Variants in KCNH7 observed in about 807,000 individuals in gnomAD.
KCNH7 encodes the protein voltage-gated inwardly rectifying potassium channel KCNH7.
Under a neutral mutation model 120.8 loss-of-function variants are expected in KCNH7, and 49 were observed. The ratio of observed to expected loss-of-function variants is 0.41; its 90% CI spans 0.32 to 0.51. KCNH7 has a LOEUF of 0.51. Among genes scored for constraint, KCNH7 ranks in the 20% least tolerant of loss-of-function variants. KCNH7 has a pLI of 0.38. For synonymous variants in KCNH7, 547 were observed against 516.1 expected (o/e 1.06, Z -0.81); for missense variants, 1,097 against 1,446.6 (o/e 0.76, Z 3.92).
intron 6 of KCNH7, 26 bp downstream of exon 6, chr2:162,504,417 A>G: frequency 6.5e-7 from 1 of 1,541,020 alleles, no homozygotes; most frequent in East Asian, 2.2e-5. Flanking sequence ...AAAACAGTTG[A>G]AATTGATAAG....
At chr2:162,705,959 T>C (rs1309149265) in intron 2 of KCNH7, among the ~76,000 whole-genome samples, 1 of 152,182 alleles carries the variant, frequency 6.6e-6, no homozygotes, top group African/African-American at 2.4e-5. Context: ...AAACACATTC[T>C]ACACAAATGT....
At chr2:162,763,235 C>T (rs1464827177) in intron 2 of KCNH7, among the ~76,000 whole-genome samples, 3 of 152,124 alleles carry the variant, frequency 2.0e-5, no homozygotes, top group Admixed American at 2.0e-4. Flanking sequence ...AAGCACCATT[C>T]TGAGTACTCA....
intron 2 of KCNH7, among the ~76,000 whole-genome samples, chr2:162,573,299 A>C (rs565786905): frequency 6.6e-6 from 1 of 152,192 alleles, no homozygotes; most frequent in East Asian, 1.9e-4. Context: ...GGGTAAGAAT[A>C]GTAGCTCATT....
chr2:162,756,256 G>T (rs1688786163), intron 2 of KCNH7, among the ~76,000 whole-genome samples: 1 of 152,098 alleles, frequency 6.6e-6, no homozygotes, highest in African/African-American at 2.4e-5. Context: ...ACAACCAAAA[G>T]AGGTTGAATG....
At chr2:162,651,384 G>T (rs1684560062) in intron 2 of KCNH7, among the ~76,000 whole-genome samples, 1 of 151,886 alleles carries the variant, frequency 6.6e-6, no homozygotes, top group Admixed American at 6.6e-5. Context: ...CCCCAAGTAG[G>T]CCTCAGTGTC....
Position 162,620,095 on chromosome 2 carries a change from T to TA in KCNH7, c.308-83016dup, listed in dbSNP as rs964823018. ...AATATGTGTATATATATTCTCTCTA[T>TA]AAAAAATCTATAAAAAAAGGATAAT... is the stretch of plus-strand genomic sequence containing the variant. On this transcript the variant is annotated intron_variant, in intron 2 of 15. Coordinates refer to ENST00000332142, the MANE Select transcript of KCNH7 (RefSeq NM_033272.4). Among the ~76,000 whole-genome samples the TA allele has an allele frequency of 1.7e-4, 26 of 150,732 alleles. 1 individual carries two copies. Among genetic ancestry groups the TA allele is most frequent in the Admixed American group, 8.6e-4 (13 of 15,116 alleles).
At chr2:162,711,046 T>A (rs1466006969) in intron 2 of KCNH7, among the ~76,000 whole-genome samples, 1 of 152,178 alleles carries the variant, frequency 6.6e-6, no homozygotes, top group Non-Finnish European at 1.5e-5. Flanking sequence ...CCATTATACT[T>A]TCTATAATAC....
intron 2 of KCNH7, among the ~76,000 whole-genome samples, chr2:162,634,273 A>G (rs1683870860): frequency 6.6e-6 from 1 of 152,058 alleles, no homozygotes; most frequent in South Asian, 2.1e-4. Context: ...TTATGAAAAT[A>G]TAGGTAACAC....
At chr2:162,619,881 G>T (rs1016031894) in intron 2 of KCNH7, among the ~76,000 whole-genome samples, 9 of 151,596 alleles carry the variant, frequency 5.9e-5, no homozygotes, top group African/African-American at 2.2e-4. Flanking sequence ...AGGACATAAG[G>T]TATTTGCATA....
intron 6 of KCNH7, among the ~76,000 whole-genome samples, chr2:162,471,887 G>C (rs910507713): frequency 6.6e-6 from 1 of 152,168 alleles, no homozygotes; most frequent in African/African-American, 2.4e-5. Context: ...TACCAAAACA[G>C]AGATATAGAC....
In KCNH7 at chr2:162,396,787, GA is replaced by G; in HGVS notation, c.2565del (p.Leu856Ter). The part of the protein sequence containing the change: ...LDMYPEFSDH[F>X]LTNLELTFNL... ...TTGAAAGTCAACTCTAGGTTTGTTA[GA>G]AAGTGATCAGAAAACTCAGGATACA... On this transcript the variant is annotated frameshift_variant, in exon 11 of 16. Coordinates refer to ENST00000332142, the MANE Select transcript of KCNH7 (RefSeq NM_033272.4). LOFTEE classifies it high-confidence loss of function. 6.2e-7 allele frequency: 1 copy of G among 1,611,730 alleles called. No individual in the cohort carries two copies. The highest frequency in any genetic ancestry group is 8.5e-7 in the Non-Finnish European group (1 of 1,178,694).
At chr2:162,451,919 T>C (rs554180222) in intron 6 of KCNH7, among the ~76,000 whole-genome samples, 1 of 152,104 alleles carries the variant, frequency 6.6e-6, no homozygotes, top group South Asian at 2.1e-4. Context: ...AGGGGAATGC[T>C]CTCTATCTCT....
At chr2:162,482,638 A>T (rs778076521) in intron 6 of KCNH7, among the ~76,000 whole-genome samples, 22 of 152,206 alleles carry the variant, frequency 1.4e-4, no homozygotes, top group Non-Finnish European at 3.1e-4. Flanking sequence ...TTGAACCAGA[A>T]TCAAGGTATG....
intron 8 of KCNH7, among the ~76,000 whole-genome samples, chr2:162,426,553 AG>A (rs746120309): frequency 9.3e-4 from 142 of 152,264 alleles, no homozygotes; most frequent in Non-Finnish European, 1.4e-3. Flanking sequence ...GAAATCAAAC[AG>A]GGTTCTCTTA....
chr2:162,410,402 T>C (rs1687351561), intron 9 of KCNH7, among the ~76,000 whole-genome samples: 1 of 151,974 alleles, frequency 6.6e-6, no homozygotes, highest in Non-Finnish European at 1.5e-5. Context: ...TGGACCCTTA[T>C]GTTTTTCCAT....
At chr2:162,415,989 T>TAAA (rs1318253764) in intron 9 of KCNH7, among the ~76,000 whole-genome samples, 10 of 152,262 alleles carry the variant, frequency 6.6e-5, no homozygotes, top group Admixed American at 5.9e-4. Flanking sequence ...CATGTAGCTG[T>TAAA]TTTCCTGGCA....
chr2:162,598,052 T>C (rs932558775), intron 2 of KCNH7, among the ~76,000 whole-genome samples: 1 of 152,064 alleles, frequency 6.6e-6, no homozygotes, highest in Non-Finnish European at 1.5e-5. Context: ...TTTACCTGCA[T>C]TTATACTCTT....
chr2:162,776,018 A>G (rs1683222581), intron 2 of KCNH7, among the ~76,000 whole-genome samples: 1 of 152,216 alleles, frequency 6.6e-6, no homozygotes, highest in Non-Finnish European at 1.5e-5. Flanking sequence ...ATGAAACAAC[A>G]TCTGGCTCAT....
intron 6 of KCNH7, among the ~76,000 whole-genome samples, chr2:162,500,334 C>CACACATAATATGTATATTATATATAT (rs1690639765): frequency 7.4e-6 from 1 of 134,260 alleles, no homozygotes; most frequent in African/African-American, 2.8e-5. Flanking sequence ...ATTATATATA[C>CACACATAATATGTATATTATATATAT]ACATAACATG....
Sources: allele counts gnomAD v4.1 joint callset (sites outside exome capture counted in the v4.1 genomes callset), GRCh38; gene constraint gnomAD v4.1.1; transcripts MANE v1.5; gene names NCBI Gene and HGNC (gene_info 2026-07-23, HGNC 2026-07-21).